The following DYRK1A variants were observed in gnomAD, a reference collection of about 807,000 sequenced individuals.
DYRK1A encodes dual specificity tyrosine-phosphorylation-regulated kinase 1A.
In DYRK1A, 9 loss-of-function variants were observed where a neutral mutation model predicts 79.7. That is an observed-to-expected ratio of 0.11 (90% CI 0.07 to 0.20). DYRK1A has a LOEUF of 0.20. Ranked by LOEUF, DYRK1A falls within the 10% of genes least tolerant of loss-of-function variation. The pLI, the probability that DYRK1A is intolerant of heterozygous loss-of-function variation, is 1.00. For synonymous variants in DYRK1A, 349 were observed against 329.7 expected, an observed-to-expected ratio of 1.06 and a Z score of -0.63; for missense variants, 622 against 956.0, an observed-to-expected ratio of 0.65 and a Z score of 4.61.
chr21:37,389,352 G>A (rs2049826006), intron 1 of DYRK1A, among the ~76,000 whole-genome samples: 3 of 152,030 alleles, frequency 2.0e-5, no homozygotes. Context: ...TTTTGGTAGA[G>A]GCGGGGTCTC....
intron 2 of DYRK1A, among the ~76,000 whole-genome samples, chr21:37,427,875 G>GT (rs2050671296): frequency 6.6e-6 from 1 of 151,942 alleles, no homozygotes; most frequent in South Asian, 2.1e-4. Context: ...TGGGGGGTTT[G>GT]TTACTCATGT....
At chr21:37,449,598 A>G (rs939583101) in intron 2 of DYRK1A, among the ~76,000 whole-genome samples, 1 of 152,182 alleles carries the variant, frequency 6.6e-6, no homozygotes, top group Non-Finnish European at 1.5e-5. Context: ...AATGTAGTCT[A>G]GTTGACTCAG....
intron 6 of DYRK1A, chr21:37,488,911 C>CT: frequency 2.1e-6 from 2 of 958,570 alleles, no homozygotes; most frequent in Non-Finnish European, 2.5e-6. Context: ...ACTGAAGTGA[C>CT]TAAGAGCAGA....
In DYRK1A at chr21:37,483,278, G is replaced by A. The variant is rs144103661; in HGVS notation, c.489+2452G>A. On this transcript the variant is annotated intron_variant, in intron 5 of 11. Transcript: ENST00000647188. ...TCTTCACAATCCATGTTCTTCTGCC[G>A]TGGCTTCAGCTGGTCCCTCCGTTTG... Among the ~76,000 whole-genome samples the A allele has an allele frequency of 9.5e-3, 1,454 of 152,268 alleles. 19 individuals carry two copies. The highest frequency in any genetic ancestry group is 0.032 in the African/African-American group (1,324 of 41,536).
chr21:37,505,515 A>C lies in DYRK1A; in HGVS notation c.1445A>C (p.Asn482Thr). The change falls in exon 10 of 12, where the codon AAT becomes ACT. Residue 482 changes from asparagine to threonine, a missense_variant. By Grantham distance (65) the Asn-to-Thr change is moderately conservative. Around this residue, in one of 5 missense-constraint regions of DYRK1A, gnomAD observed 21 missense variants for 62.5 expected, o/e 0.34. Coordinates refer to ENST00000647188, the MANE Select transcript of DYRK1A (RefSeq NM_001347721.2). ...KTADEGTNTS[N>T]SVSTSPAMEQ... is the part of the protein sequence containing the mutation. ...GCTGATGAAGGTACAAATACAAGTA[A>C]TAGTGTATCTACAAGCCCCGCCATG... 6.2e-7 allele frequency: 1 copy of C among 1,613,624 alleles called. No homozygotes were observed. Among genetic ancestry groups the C allele is most frequent in the Non-Finnish European group, 8.5e-7 (1 of 1,180,034 alleles).
intron 1 of DYRK1A, among the ~76,000 whole-genome samples, chr21:37,404,542 A>G (rs761596135): frequency 6.6e-6 from 1 of 152,048 alleles, no homozygotes; most frequent in African/African-American, 2.4e-5. Flanking sequence ...ATGGTTTCAG[A>G]TGCCTGAACT....
chr21:37,448,411 C>G (rs1485981858), intron 2 of DYRK1A, among the ~76,000 whole-genome samples: 11 of 152,100 alleles, frequency 7.2e-5, no homozygotes, highest in Admixed American at 6.5e-4. Context: ...TGCCTGGTCC[C>G]CATTTCAGGC....
chr21:37,452,441 G>A (rs901084040), intron 2 of DYRK1A, among the ~76,000 whole-genome samples: 8 of 152,132 alleles, frequency 5.3e-5, no homozygotes, highest in East Asian at 1.9e-4. Flanking sequence ...TGGAGATGCC[G>A]TTTATAGAAC....
chr21:37,412,559 G>A (rs962706918), intron 1 of DYRK1A, among the ~76,000 whole-genome samples: 1 of 152,148 alleles, frequency 6.6e-6, no homozygotes, highest in Admixed American at 6.5e-5. Flanking sequence ...TAACCATCAG[G>A]CCTAGGAGAT....
At position 37,505,286 on chromosome 21, in the gene DYRK1A, T is replaced by C. The variant is rs2053560471; in HGVS notation, c.1216T>C (p.Tyr406His). 6.2e-7 allele frequency: 1 copy of C among 1,608,188 alleles called. No individual in the cohort carries two copies. The highest frequency in any genetic ancestry group is 1.1e-5 in the South Asian group (1 of 90,866). Residue 406 changes from tyrosine to histidine, a missense_variant, in exon 10 of 12, where the codon TAC (tyrosine) becomes CAC (histidine). Coordinates refer to ENST00000647188, the MANE Select transcript of DYRK1A (RefSeq NM_001347721.2). ...LKKTKDGKRE[Y>H]KPPGTRKLHN... ...CCTTTCATCTTCTCTCTTACAGGAG[T>C]ACAAACCACCAGGAACCCGTAAACT...
At chr21:37,509,315 C>G (rs947371924) in intron 11 of DYRK1A, among the ~76,000 whole-genome samples, 2 of 152,210 alleles carry the variant, frequency 1.3e-5, no homozygotes, top group African/African-American at 4.8e-5. Flanking sequence ...CTAGTCTTGA[C>G]ATATATTTTG....
Position 37,524,017 on chromosome 21 carries a change from T to A in DYRK1A, c.*11486T>A, listed in dbSNP as rs756546062. The A allele has an allele frequency of 4.6e-5, 7 of 152,218 alleles. No individual in the cohort carries two copies. The highest frequency in any genetic ancestry group is 8.8e-5 in the Non-Finnish European group (6 of 68,046). 9.4% of individuals were successfully genotyped at this position (152,218 alleles called of 1,614,324 possible). A position where few individuals can be genotyped will look rare whatever the true frequency, so the allele number is the denominator to read the frequency against. The stretch of plus-strand genomic sequence containing the variant: ...CCATGCTACAACATTTTATTTTTTA[T>A]TACCAATATATACAAGAAAAGTGGA... On this transcript the variant is annotated 3_prime_UTR_variant, in exon 12 of 12. Transcript: ENST00000647188.
intron 2 of DYRK1A, among the ~76,000 whole-genome samples, chr21:37,437,719 TTG>T (rs900918937): frequency 6.6e-6 from 1 of 152,196 alleles, no homozygotes; most frequent in Non-Finnish European, 1.5e-5. Flanking sequence ...TAGTATTTCA[TTG>T]TGTGTATATA....
At position 37,404,202 on chromosome 21, in the gene DYRK1A, AC is replaced by A. The variant is rs1179180585; in HGVS notation, c.-76-16096del. On this transcript the variant is annotated intron_variant, in intron 1 of 11. Coordinates refer to ENST00000647188, the MANE Select transcript of DYRK1A (RefSeq NM_001347721.2). The stretch of plus-strand genomic sequence containing the variant: ...ATAAATTGATGTAAGGAATTGGCTC[AC>A]GTGACAGTGGAGGCTGAGCAGTCAT... 2.0e-5 allele frequency among the ~76,000 whole-genome samples: 3 copies of A among 152,202 alleles called. No homozygotes were observed. The East Asian group carries it at 5.8e-4, about 29-fold the overall frequency.
At position 37,514,639 on chromosome 21, in the gene DYRK1A, C is replaced by T. The variant is rs1486493428; in HGVS notation, c.*2108C>T. On this transcript the variant is annotated 3_prime_UTR_variant, in exon 12 of 12. Transcript: ENST00000647188. The stretch of plus-strand genomic sequence containing the variant: ...TACTCGTTTTTATAAACTACAAAAA[C>T]TTTTTGTTGTTTATCAGGAAATCCA... 1 of 152,564 alleles carries T rather than the reference C, an allele frequency of 6.6e-6. No homozygotes were observed. The highest frequency in any genetic ancestry group is 2.4e-5 in the African/African-American group (1 of 41,444). The allele number at this position is 152,564 out of a possible 1,614,324, so 9.5% of individuals were successfully genotyped here. A position where few individuals can be genotyped will look rare whatever the true frequency, so the allele number is the denominator to read the frequency against.
intron 9 of DYRK1A, 89 bp from the exon 10 acceptor site, chr21:37,505,194 A>G (rs2053557487): frequency 1.8e-6 from 2 of 1,090,312 alleles, no homozygotes; most frequent in East Asian, 2.4e-5. Context: ...GCCTCAACAT[A>G]TATATTTAAA....
intron 2 of DYRK1A, among the ~76,000 whole-genome samples, chr21:37,427,808 A>G (rs550400700): frequency 3.3e-5 from 5 of 152,238 alleles, no homozygotes; most frequent in African/African-American, 1.2e-4. Flanking sequence ...CAATAGACAA[A>G]ACATAACTCA....
chr21:37,376,669 G>A (rs568295602), intron 1 of DYRK1A, among the ~76,000 whole-genome samples: 3 of 152,142 alleles, frequency 2.0e-5, no homozygotes, highest in South Asian at 2.1e-4. Flanking sequence ...AGGACCCTGC[G>A]CTTGATTAAC....
chr21:37,495,028 T>C (rs189888352), intron 8 of DYRK1A, among the ~76,000 whole-genome samples: 65 of 152,198 alleles, frequency 4.3e-4, no homozygotes, highest in Admixed American at 1.9e-3. Flanking sequence ...TTGGCAGGAA[T>C]TTTTATGTTT....
Sources: gnomAD v4.1 joint callset for allele counts (sites outside exome capture counted in the v4.1 genomes callset) on GRCh38, gnomAD v4.1.1 for gene constraint, gnomAD v4.1.1 regional missense constraint, MANE v1.5 for transcripts, NCBI Gene and HGNC (gene_info 2026-07-23, HGNC 2026-07-21) for gene names.